RNF180: variants seen among roughly 807,000 people sequenced by gnomAD.
The protein encoded by RNF180 is ring finger protein 180.
Under a neutral mutation model 59.2 loss-of-function variants are expected in RNF180, and 38 were observed. The ratio of observed to expected loss-of-function variants is 0.64; its 90% CI spans 0.50 to 0.84. The LOEUF is 0.84. Ranked by LOEUF, RNF180 falls within the 40% of genes least tolerant of loss-of-function variation. RNF180 has a pLI of 0.00. For synonymous variants in RNF180, 262 were observed against 240.3 expected (o/e 1.09, Z -0.84); for missense variants, 705 against 700.9 (o/e 1.01, Z -0.07).
At chr5:64,207,921 A>C (rs1752104329) in intron 2 of RNF180, among the ~76,000 whole-genome samples, 1 of 152,104 alleles carries the variant, frequency 6.6e-6, no homozygotes, top group African/African-American at 2.4e-5. Flanking sequence ...CTCACATTTA[A>C]AGAATTAGCT....
chr5:64,277,550 G>A (rs1349161900), intron 5 of RNF180, among the ~76,000 whole-genome samples: 1 of 152,100 alleles, frequency 6.6e-6, no homozygotes, highest in Non-Finnish European at 1.5e-5. Flanking sequence ...TGGGATGGAG[G>A]TGGTTATAGT....
intron 7 of RNF180, among the ~76,000 whole-genome samples, chr5:64,339,852 C>T (rs757253629): frequency 9.2e-5 from 14 of 151,918 alleles, no homozygotes; most frequent in Non-Finnish European, 1.9e-4. Context: ...AGTAAGCAGA[C>T]GTTTTAAATT....
chr5:64,186,053 CT>C (rs902249232), intron 1 of RNF180, among the ~76,000 whole-genome samples: 2 of 152,122 alleles, frequency 1.3e-5, no homozygotes, highest in East Asian at 1.9e-4. Flanking sequence ...GAAATACCTG[CT>C]TTTTTTTCTC....
intron 2 of RNF180, among the ~76,000 whole-genome samples, chr5:64,211,701 A>T (rs1327998171): frequency 1.3e-5 from 2 of 152,168 alleles, no homozygotes; most frequent in East Asian, 3.9e-4. Flanking sequence ...TAGAATTCAG[A>T]TAGAATAGAG....
chr5:64,319,714 T>C (rs1379478152), intron 5 of RNF180, among the ~76,000 whole-genome samples: 2 of 152,214 alleles, frequency 1.3e-5, no homozygotes, highest in Non-Finnish European at 2.9e-5. Context: ...GAGAGTATTA[T>C]CTGGCTGAGG....
intron 2 of RNF180, among the ~76,000 whole-genome samples, chr5:64,208,626 A>T (rs1298514161): frequency 6.6e-6 from 1 of 152,052 alleles, no homozygotes; most frequent in Admixed American, 6.6e-5. Context: ...TGTGTTGGTA[A>T]ATACAGGTGA....
At chr5:64,342,994 A>T (rs1297813135) in intron 7 of RNF180, among the ~76,000 whole-genome samples, 2 of 152,122 alleles carry the variant, frequency 1.3e-5, no homozygotes, top group African/African-American at 4.8e-5. Flanking sequence ...TGAGGGGATG[A>T]GTCTCTCACT....
intron 5 of RNF180, among the ~76,000 whole-genome samples, chr5:64,258,890 A>T (rs751309227): frequency 6.6e-6 from 1 of 152,148 alleles, no homozygotes; most frequent in Non-Finnish European, 1.5e-5. Flanking sequence ...AAGAAACAAG[A>T]GGTGTTAGGC....
chr5:64,316,559 A>T (rs892552683), intron 5 of RNF180, among the ~76,000 whole-genome samples: 4 of 152,200 alleles, frequency 2.6e-5, no homozygotes, highest in African/African-American at 9.6e-5. Context: ...TTAGGGTTTA[A>T]GGTAGTGACA....
chr5:64,184,081 A>T (rs2111964400), intron 1 of RNF180, among the ~76,000 whole-genome samples: 1 of 152,332 alleles, frequency 6.6e-6, no homozygotes, highest in African/African-American at 2.4e-5. Context: ...CCTACTGGTT[A>T]TGTGTGCCTA....
chr5:64,351,725 G>C (rs1482773714), intron 7 of RNF180, among the ~76,000 whole-genome samples: 2 of 150,822 alleles, frequency 1.3e-5, no homozygotes, highest in Non-Finnish European at 3.0e-5. Flanking sequence ...TTCGTATGTT[G>C]AACCAGCCTT....
At chr5:64,365,821 T>TTGA (rs1224495771) in intron 7 of RNF180, among the ~76,000 whole-genome samples, 1 of 151,774 alleles carries the variant, frequency 6.6e-6, no homozygotes, top group Non-Finnish European at 1.5e-5. Flanking sequence ...TTCCATTTGC[T>TTGA]TGATAGATTT....
rs754576048 is a variant in RNF180 at position 64,214,063 on chromosome 5, A to G, written c.737A>G (p.Tyr246Cys). 8.1e-6 allele frequency: 13 copies of G among 1,613,972 alleles called. No homozygotes were observed. The highest frequency in any genetic ancestry group is 2.7e-5 in the African/African-American group (2 of 74,928). ...SEKLTLLPTL[Y>C]EIHSKTTAYS... The stretch of plus-strand genomic sequence containing the variant: ...AAACTGACTTTATTACCCACTTTAT[A>G]TGAAATACATAGTAAGACTACTGCC... Residue 246 changes from tyrosine to cysteine, a missense_variant, in exon 4 of 8, where the codon TAT (tyrosine) becomes TGT (cysteine). Tyr to Cys is a radical substitution (Grantham distance 194). Transcript: ENST00000389100.
intron 5 of RNF180, among the ~76,000 whole-genome samples, chr5:64,285,727 T>G (rs1401746098): frequency 1.3e-5 from 2 of 152,120 alleles, no homozygotes; most frequent in African/African-American, 2.4e-5. Context: ...ATCTCTGTCC[T>G]ACAGTCAAGA....
At chr5:64,362,977 T>C (rs1248146566) in intron 7 of RNF180, among the ~76,000 whole-genome samples, 1 of 150,510 alleles carries the variant, frequency 6.6e-6, no homozygotes, top group African/African-American at 2.5e-5. Context: ...GGCTGGATAT[T>C]AGACCTTTGT....
At chr5:64,356,922 G>C (rs1027675534) in intron 7 of RNF180, among the ~76,000 whole-genome samples, 1 of 151,944 alleles carries the variant, frequency 6.6e-6, no homozygotes, top group African/African-American at 2.4e-5. Context: ...ACAACATTGT[G>C]AATGTAGTTA....
chr5:64,199,912 T>C lies in RNF180; in HGVS notation c.1-896T>C, dbSNP rs1751651446. Among the ~76,000 whole-genome samples the C allele has an allele frequency of 3.9e-5, 6 of 152,208 alleles. No individual in the cohort carries two copies. The South Asian group carries it at 1.2e-3, about 32-fold the overall frequency. Reference sequence around the variant, plus strand: ...GGTGGGGCTGTTCTCTGAGTCTTGCTTGATTATATACAAGATGTAGTATAT... The same window carrying C: ...GGTGGGGCTGTTCTCTGAGTCTTGCCTGATTATATACAAGATGTAGTATAT... On this transcript the variant is annotated intron_variant, in intron 1 of 7. Coordinates refer to ENST00000389100, the MANE Select transcript of RNF180 (RefSeq NM_001113561.2).
At position 64,324,289 on chromosome 5, in the gene RNF180, C is replaced by T. The variant is rs527813430; in HGVS notation, c.1228-897C>T. On this transcript the variant is annotated intron_variant, in intron 5 of 7. Coordinates refer to ENST00000389100, the MANE Select transcript of RNF180 (RefSeq NM_001113561.2). The stretch of plus-strand genomic sequence containing the variant: ...GAACCAGGCCTGGATGGGACACCAT[C>T]CCACCACAGGGCACACTCACACACA... Among the ~76,000 whole-genome samples the T allele has an allele frequency of 1.1e-3, 165 of 152,178 alleles. 1 individual carries two copies. The highest frequency in any genetic ancestry group is 2.2e-3 in the Non-Finnish European group (148 of 68,028).
chr5:64,174,569 C>T (rs370353624), intron 1 of RNF180, among the ~76,000 whole-genome samples: 4 of 152,044 alleles, frequency 2.6e-5, no homozygotes, highest in African/African-American at 7.2e-5. Flanking sequence ...AGTTAGTGAT[C>T]GTTGAGCATT....
Sources: gnomAD v4.1 joint callset for allele counts (sites outside exome capture counted in the v4.1 genomes callset) on GRCh38, gnomAD v4.1.1 for gene constraint, MANE v1.5 for transcripts, NCBI Gene and HGNC (gene_info 2026-07-23, HGNC 2026-07-21) for gene names.